FRMPD4: variants seen among roughly 807,000 people sequenced by gnomAD.
The protein encoded by FRMPD4 is FERM and PDZ domain-containing protein 4.
A neutral mutation model predicts 94.1 loss-of-function variants in FRMPD4; 22 were observed. The ratio of observed to expected loss-of-function variants is 0.23; its 90% CI spans 0.17 to 0.33. The LOEUF is 0.33. FRMPD4 is among the 10% of genes least tolerant of loss of function. FRMPD4 has a pLI of 1.00. For synonymous variants in FRMPD4, 631 were observed against 548.6 expected (o/e 1.15, Z -2.10); for missense variants, 1,111 against 1,339.9 (o/e 0.83, Z 2.67).
chrX:12,518,126 C>G (rs1199703883), intron 2 of FRMPD4, among the ~76,000 whole-genome samples: 1 of 111,753 alleles, frequency 8.9e-6, no homozygotes, highest in Non-Finnish European at 1.9e-5. Flanking sequence ...AGGCAGCAGG[C>G]AGCCACAGTG....
At position 12,614,870 on chromosome X, in the gene FRMPD4, C is replaced by T. The variant is rs149249859; in HGVS notation, c.411C>T (p.Ile137=). Residue 137 remains isoleucine, a synonymous_variant, in exon 4 of 17, where the codon ATC becomes ATT. Transcript: ENST00000675598. ...GCGCTGCACCCAGAGAGCGGGTCATCGATCTGGTCAGGTGAGTGACTCATT... is the reference window on the plus strand; with the variant it reads ...GCGCTGCACCCAGAGAGCGGGTCATTGATCTGGTCAGGTGAGTGACTCATT... ...PVSAAPRERV[I]DLVRSCKESI... 3.7e-5 allele frequency: 42 copies of T among 1,123,359 alleles called. No homozygotes were observed. The African/African-American group carries it at 7.0e-4, about 19-fold the overall frequency. 92.6% of individuals were successfully genotyped at this position (1,123,359 alleles called of 1,213,427 possible). A position where few individuals can be genotyped will look rare whatever the true frequency, so the allele number is the denominator to read the frequency against.
intron 1 of FRMPD4, among the ~76,000 whole-genome samples, chrX:12,271,490 G>A (rs193055068): frequency 9.8e-5 from 11 of 111,915 alleles, no homozygotes; most frequent in African/African-American, 3.2e-4. Context: ...CATTTTCTGC[G>A]TAGGTGTGGG....
At chrX:12,695,034 C>T (rs1190652609) in intron 9 of FRMPD4, among the ~76,000 whole-genome samples, 1 of 112,088 alleles carries the variant, frequency 8.9e-6, no homozygotes, top group Non-Finnish European at 1.9e-5. Flanking sequence ...CCATTTTGCA[C>T]TTAGTTGTCA....
Position 12,082,808 on chromosome X carries a change from G to A in FRMPD4, c.95+204790G>A, listed in dbSNP as rs373712560. Among the ~76,000 whole-genome samples the A allele has an allele frequency of 2.2e-4, 25 of 111,751 alleles. No homozygotes were observed. In the South Asian group the frequency reaches 6.5e-3, roughly 29 times the overall value. ...GCTATGTTTTAGCAAAGAGACTAGC[G>A]GCATTTTCCCCCTGCCCTAGAGATT... On this transcript the variant is annotated intron_variant, in intron 3 of 18. Transcript: ENST00000640291.
chrX:12,277,998 A>G (rs1401177223), intron 1 of FRMPD4, among the ~76,000 whole-genome samples: 1 of 112,252 alleles, frequency 8.9e-6, no homozygotes, highest in African/African-American at 3.2e-5. Flanking sequence ...AGGTATTACG[A>G]ATTGTAAGAA....
chrX:12,350,942 A>G (rs12836507), intron 1 of FRMPD4, among the ~76,000 whole-genome samples: 21,575 of 111,529 alleles, frequency 0.19, 1,813 homozygotes, highest in Non-Finnish European at 0.27. Flanking sequence ...TTGGGAGGCC[A>G]AGGCGGGCAG....
intron 1 of FRMPD4, among the ~76,000 whole-genome samples, chrX:12,223,236 A>G (rs143275696): frequency 0.016 from 1,808 of 112,210 alleles, 45 homozygotes; most frequent in African/African-American, 0.056. Context: ...TAAAGAAAAC[A>G]TGGTACAGAT....
chrX:12,059,903 C>T (rs760568820), intron 3 of FRMPD4, among the ~76,000 whole-genome samples: 612 of 1,102 alleles, frequency 0.56, 5 homozygotes, highest in African/African-American at 0.58. Context: ...TTGTGAATAG[C>T]GTACAATAAA....
chrX:12,394,049 T>C (rs2056511745), intron 1 of FRMPD4, among the ~76,000 whole-genome samples: 1 of 111,632 alleles, frequency 9.0e-6, no homozygotes, highest in Non-Finnish European at 1.9e-5. Flanking sequence ...ACCATATATG[T>C]GTGATAATAA....
At chrX:11,948,524 C>T (rs2054202802) in intron 3 of FRMPD4, among the ~76,000 whole-genome samples, 1 of 111,419 alleles carries the variant, frequency 9.0e-6, no homozygotes. Flanking sequence ...TGCATTGTTA[C>T]AGCAGCCCAA....
At chrX:12,187,450 A>C (rs958497960) in intron 1 of FRMPD4, among the ~76,000 whole-genome samples, 2 of 111,860 alleles carry the variant, frequency 1.8e-5, no homozygotes, top group Non-Finnish European at 3.8e-5. Context: ...GTGTTTGTTG[A>C]ATGGCTATCC....
intron 1 of FRMPD4, among the ~76,000 whole-genome samples, chrX:12,494,139 G>C (rs146977136): frequency 8.9e-6 from 1 of 111,858 alleles, no homozygotes; most frequent in South Asian, 3.7e-4. Context: ...TATATACCAG[G>C]TACTATACTA....
intron 3 of FRMPD4, among the ~76,000 whole-genome samples, chrX:11,948,809 C>A (rs1424107886): frequency 4.5e-5 from 5 of 111,944 alleles, no homozygotes; most frequent in African/African-American, 1.6e-4. Flanking sequence ...CTTTTTGATA[C>A]ATTTTATTTT....
intron 1 of FRMPD4, among the ~76,000 whole-genome samples, chrX:12,336,537 A>G (rs1018107680): frequency 9.0e-6 from 1 of 111,187 alleles, no homozygotes; most frequent in Admixed American, 9.6e-5. Flanking sequence ...TTTCTTAAAT[A>G]GAGGCCTAGA....
At chrX:12,376,973 G>A (rs913460586) in intron 1 of FRMPD4, among the ~76,000 whole-genome samples, 17 of 111,930 alleles carry the variant, frequency 1.5e-4, no homozygotes, top group African/African-American at 5.5e-4. Flanking sequence ...GGTGCTTGCT[G>A]CTCCCCTAGG....
At chrX:11,834,031 G>T (rs1348009450) in intron 1 of FRMPD4, among the ~76,000 whole-genome samples, 3 of 111,301 alleles carry the variant, frequency 2.7e-5, no homozygotes, top group Non-Finnish European at 3.8e-5. Flanking sequence ...GTTATGTTAA[G>T]CCACTGAGAT....
intron 3 of FRMPD4, among the ~76,000 whole-genome samples, chrX:12,014,251 T>G (rs2054594508): frequency 8.9e-6 from 1 of 111,907 alleles, no homozygotes; most frequent in Non-Finnish European, 1.9e-5. Context: ...AAGTCTATCC[T>G]CTGGTCTCTC....
rs2057131414 is a variant in FRMPD4, at chrX:12,241,689, C to T, written c.41+102677C>T. Among the ~76,000 whole-genome samples the T allele has an allele frequency of 2.7e-5, 3 of 111,470 alleles. No homozygotes were observed. In the South Asian group the frequency reaches 1.1e-3, roughly 43 times the overall value. ...CCGAGGTAGGATGATCACTTGAGCT[C>T]AGGAGTTTGAGACCAGCCTGGGCAA... is the stretch of plus-strand genomic sequence containing the variant. On this transcript the variant is annotated intron_variant, in intron 1 of 16. Transcript: ENST00000675598.
chrX:12,053,188 A>G (rs2054828045), intron 3 of FRMPD4, among the ~76,000 whole-genome samples: 1 of 108,121 alleles, frequency 9.2e-6, no homozygotes, highest in South Asian at 4.1e-4. Flanking sequence ...AAATACAAAA[A>G]ATTAGGTGGG....
Sources: gnomAD v4.1 joint callset for allele counts (sites outside exome capture counted in the v4.1 genomes callset) on GRCh38, gnomAD v4.1.1 for gene constraint, MANE v1.5 for transcripts, NCBI Gene and HGNC (gene_info 2026-07-23, HGNC 2026-07-21) for gene names.